Variants in CIT observed in about 807,000 individuals in gnomAD.
CIT encodes citron Rho-interacting kinase.
CIT carries 79 observed loss-of-function variants against 272.7 expected under a neutral mutation model. The observed-to-expected ratio is 0.29, with a 90% confidence interval of 0.24 to 0.35. The LOEUF (loss-of-function observed/expected upper bound fraction) is 0.35. Among genes scored for constraint, CIT ranks in the 10% least tolerant of loss-of-function variants. The pLI, the probability that CIT is intolerant of heterozygous loss-of-function variation, is 1.00. For missense variants in CIT, 1,909 were observed against 2,618.3 expected (o/e 0.73, Z 5.91); for synonymous variants, 948 against 995.6 (o/e 0.95, Z 0.90).
Position 119,728,160 on chromosome 12 carries a change from A to G in CIT, c.3591+342T>C, listed in dbSNP as rs191365624. On this transcript the variant is annotated intron_variant, in intron 28 of 47. Coordinates refer to ENST00000392521, the MANE Select transcript of CIT (RefSeq NM_001206999.2). The surrounding 1 kb of genome is among the most constrained non-coding windows in gnomAD (Gnocchi z 4.3). ...GCAGAGTACAGAGGGTTTTTAGGGC[A>G]GTGAAACTATCCTGTATGATACAGT... 2.1e-3 allele frequency among the ~76,000 whole-genome samples: 316 copies of G among 152,286 alleles called. 4 individuals carry two copies. The highest frequency in any genetic ancestry group is 1.1e-3 in the Non-Finnish European group (78 of 68,016).
intron 5 of CIT, among the ~76,000 whole-genome samples, chr12:119,838,418 T>C (rs1204459644): frequency 6.6e-6 from 1 of 152,150 alleles, no homozygotes; most frequent in Admixed American, 6.5e-5. Context: ...ACATAAAGCA[T>C]ATCTCTTTCC....
At chr12:119,760,675 C>T in intron 20 of CIT, among the ~76,000 whole-genome samples, 1 of 150,698 alleles carries the variant, frequency 6.6e-6, no homozygotes, top group Non-Finnish European at 1.5e-5. Flanking sequence ...GACATTTTGT[C>T]AGGGGCATTT....
chr12:119,834,250 T>C (rs774532406), intron 5 of CIT, 22 bp from the exon 6 acceptor site: 2 of 1,567,944 alleles, frequency 1.3e-6, no homozygotes, highest in South Asian at 2.4e-5. Flanking sequence ...GCCAAAGTTA[T>C]TAATTCTTCA....
In CIT at chr12:119,779,081, A is replaced by T. The variant is rs200040998; in HGVS notation, c.1666-2239T>A. On this transcript the variant is annotated intron_variant, in intron 13 of 47. Transcript: ENST00000392521. ...CAAAATATACAAAAATTAGCCAGAC[A>T]TGGTGGTGAGCACCTGTAATCCCAG... is the stretch of plus-strand genomic sequence containing the variant. Among the ~76,000 whole-genome samples, 3 of 152,120 alleles carry T rather than the reference A, an allele frequency of 2.0e-5. No individual in the cohort carries two copies. The East Asian group carries it at 5.8e-4, about 29-fold the overall frequency.
At chr12:119,769,769 T>C (rs1169992970) in intron 18 of CIT, among the ~76,000 whole-genome samples, 2 of 152,224 alleles carry the variant, frequency 1.3e-5, no homozygotes, top group East Asian at 3.8e-4. Context: ...TTCTTTTACC[T>C]GTTGATTCGA....
chr12:119,729,196 C>T (rs1301047356), intron 27 of CIT, among the ~76,000 whole-genome samples: 3 of 152,144 alleles, frequency 2.0e-5, no homozygotes, highest in African/African-American at 7.2e-5. Flanking sequence ...ATATTTTTCA[C>T]ATTAAACATA....
intron 4 of CIT, 142 bp downstream of exon 4, chr12:119,857,380 AC>A: frequency 1.3e-6 from 1 of 743,306 alleles, no homozygotes; most frequent in Non-Finnish European, 2.1e-6. Context: ...AACATGAGAG[AC>A]CTTTTTGCCC....
rs1160236760 is a variant in CIT at position 119,703,678 on chromosome 12, G to A, written c.5304+685C>T. ...TGACCTCAAGTGATCCACCCTCCTC[G>A]GCCTCCCAAAGTGCTGGGATTATAG... On this transcript the variant is annotated intron_variant, in intron 41 of 47. Transcript: ENST00000392521. 2.0e-5 allele frequency among the ~76,000 whole-genome samples: 3 copies of A among 152,076 alleles called. No homozygotes were observed. The East Asian group carries it at 5.8e-4, about 29-fold the overall frequency.
chr12:119,838,067 G>C (rs1335557711), intron 5 of CIT, among the ~76,000 whole-genome samples: 1 of 151,994 alleles, frequency 6.6e-6, no homozygotes, highest in African/African-American at 2.4e-5. Flanking sequence ...ATGAAAAAGA[G>C]TTTTGTTTTT....
chr12:119,776,555 G>A, intron 14 of CIT, 117 bp downstream of exon 14: 2 of 1,150,788 alleles, frequency 1.7e-6, no homozygotes, highest in Non-Finnish European at 2.5e-6. Context: ...AGTTTTCCAA[G>A]GTATCCTACT....
chr12:119,832,990 G>C, intron 6 of CIT, 126 bp from the exon 7 acceptor site: 1 of 583,366 alleles, frequency 1.7e-6, no homozygotes, highest in East Asian at 2.9e-5. Context: ...TCCTCTATTG[G>C]TGGATATAAA....
intron 5 of CIT, among the ~76,000 whole-genome samples, chr12:119,836,284 TAAAAAAA>T (rs201559880): frequency 0.019 from 787 of 42,226 alleles, 18 homozygotes; most frequent in African/African-American, 0.075. Context: ...AGACTCCATC[TAAAAAAA>T]AAAAAAAAAA....
chr12:119,718,594 G>A lies in CIT; in HGVS notation c.4003+105C>T. ...GGATGTCTGGTCTGAAAGCGTATGG[G>A]CCATAAACGAAGACACTGAGCTAGT... On this transcript the variant is annotated intron_variant, in intron 31 of 47. Coordinates refer to ENST00000392521, the MANE Select transcript of CIT (RefSeq NM_001206999.2). This position sits in a 1 kb window ranked among gnomAD's most constrained non-coding sequence, Gnocchi z 4.8. The A allele has an allele frequency of 5.4e-6, 8 of 1,485,348 alleles. No individual in the cohort carries two copies. In the South Asian group the frequency reaches 9.8e-5, roughly 18 times the overall value. The allele number at this position is 1,485,348 out of a possible 1,614,324, so 92.0% of individuals were successfully genotyped here. A position where few individuals can be genotyped will look rare whatever the true frequency, so the allele number is the denominator to read the frequency against.
intron 4 of CIT, 97 bp from the exon 5 acceptor site, chr12:119,850,372 C>CT (rs1053945704): frequency 4.3e-5 from 10 of 233,290 alleles, no homozygotes; most frequent in Admixed American, 4.0e-4. Context: ...ATGTTTCTAG[C>CT]TTTAAAAAAA....
At chr12:119,734,421 G>T (rs1958642037) in intron 25 of CIT, 64 bp from the exon 26 acceptor site, 3 of 1,544,816 alleles carry the variant, frequency 1.9e-6, no homozygotes, top group Non-Finnish European at 2.7e-6. Context: ...AGATTACTTT[G>T]GTCGGGTCAG....
intron 44 of CIT, among the ~76,000 whole-genome samples, chr12:119,700,239 G>A (rs1022095597): frequency 1.3e-4 from 20 of 152,344 alleles, no homozygotes; most frequent in East Asian, 3.9e-4. Flanking sequence ...TGAATCTGGC[G>A]TAGGCAGCTC....
In CIT at chr12:119,710,765, C is replaced by A; in HGVS notation, c.4855-145G>T. The A allele has an allele frequency of 1.3e-6, 1 of 794,318 alleles. No individual in the cohort carries two copies. The allele number at this position is 794,318 out of a possible 1,614,324, so 49.2% of individuals were successfully genotyped here. On this transcript the variant is annotated intron_variant, in intron 37 of 47. Transcript: ENST00000392521. This position sits in a 1 kb window ranked among gnomAD's most constrained non-coding sequence, Gnocchi z 5.6. ...AAACGCACATATGCTCTTAGCTCAG[C>A]CCGTATTTTGATCTGAGCTCCAAAT...
intron 9 of CIT, 170 bp from the exon 10 acceptor site, chr12:119,803,559 C>A: frequency 2.1e-6 from 1 of 473,132 alleles, no homozygotes; most frequent in Non-Finnish European, 3.7e-6. Flanking sequence ...GAGATTAACC[C>A]CTTCTCTGCC....
At chr12:119,849,304 G>A (rs2138239403) in intron 5 of CIT, among the ~76,000 whole-genome samples, 1 of 152,206 alleles carries the variant, frequency 6.6e-6, no homozygotes, top group South Asian at 2.1e-4. Flanking sequence ...ACACGTGCCT[G>A]TAATCCCAGC....
Sources: allele counts gnomAD v4.1 joint callset (sites outside exome capture counted in the v4.1 genomes callset), GRCh38; gene constraint gnomAD v4.1.1; non-coding constraint Gnocchi (gnomAD v3.1); transcripts MANE v1.5; gene names NCBI Gene and HGNC (gene_info 2026-07-23, HGNC 2026-07-21).